NEK7: variants seen among roughly 807,000 people sequenced by gnomAD.
The protein encoded by NEK7 is serine/threonine-protein kinase Nek7.
In NEK7, 18 loss-of-function variants were observed where a neutral mutation model predicts 44.6. The ratio of observed to expected loss-of-function variants is 0.40; its 90% CI spans 0.28 to 0.60. The LOEUF (loss-of-function observed/expected upper bound fraction) is 0.60, where lower values mean the gene tolerates loss of function less well. NEK7 is among the 20% of genes least tolerant of loss of function. The probability of loss-of-function intolerance (pLI) is 0.38; values close to 1 mark genes in which losing one functional copy is unlikely to be tolerated. For missense variants in NEK7, 256 were observed against 366.5 expected (o/e 0.70, Z 2.46); for synonymous variants, 130 against 121.1 (o/e 1.07, Z -0.48).
At chr1:198,253,628 G>A (rs1382217336) in intron 3 of NEK7, among the ~76,000 whole-genome samples, 1 of 152,122 alleles carries the variant, frequency 6.6e-6, no homozygotes, top group African/African-American at 2.4e-5. Flanking sequence ...TATTTACTTG[G>A]AAATAAAAAC....
intron 5 of NEK7, among the ~76,000 whole-genome samples, chr1:198,268,363 G>A (rs1653722667): frequency 1.4e-5 from 1 of 69,244 alleles, no homozygotes; most frequent in South Asian, 6.3e-4. Flanking sequence ...AGTTTATCTC[G>A]TGCACTCTGG....
At chr1:198,206,070 G>A (rs1237939190) in intron 1 of NEK7, among the ~76,000 whole-genome samples, 1 of 152,042 alleles carries the variant, frequency 6.6e-6, no homozygotes, top group Non-Finnish European at 1.5e-5. Flanking sequence ...GTAGTACCTT[G>A]TGTAATATTT....
chr1:198,173,368 A>G (rs915022138), intron 1 of NEK7, among the ~76,000 whole-genome samples: 1 of 150,958 alleles, frequency 6.6e-6, no homozygotes, highest in African/African-American at 2.4e-5. Context: ...GTTTGAGGTT[A>G]TAGTGAGCTA....
chr1:198,294,591 T>A (rs1365394331), intron 8 of NEK7, among the ~76,000 whole-genome samples: 3 of 152,116 alleles, frequency 2.0e-5, no homozygotes, highest in African/African-American at 7.2e-5. Context: ...TGAGAGGAAG[T>A]TTGCATAATT....
At chr1:198,274,562 A>G (rs1403160547) in intron 5 of NEK7, among the ~76,000 whole-genome samples, 1 of 151,764 alleles carries the variant, frequency 6.6e-6, no homozygotes, top group Non-Finnish European at 1.5e-5. Flanking sequence ...TTTGTAAAAT[A>G]AGATCATTTT....
intron 2 of NEK7, among the ~76,000 whole-genome samples, chr1:198,251,712 G>A (rs575603901): frequency 1.3e-4 from 19 of 151,522 alleles, no homozygotes; most frequent in Admixed American, 5.3e-4. Flanking sequence ...CTGTGGGATC[G>A]GTGGTGATAT....
chr1:198,206,833 A>T (rs1050100631), intron 1 of NEK7: 1 of 152,102 alleles, frequency 6.6e-6, no homozygotes, highest in African/African-American at 2.4e-5. Context: ...ATTCCTATTG[A>T]TTAGTTAATA....
intron 1 of NEK7, among the ~76,000 whole-genome samples, chr1:198,225,024 G>T (rs1006743742): frequency 4.6e-5 from 7 of 151,920 alleles, no homozygotes; most frequent in Non-Finnish European, 8.8e-5. Context: ...AAATTTCAGA[G>T]TAATCATATA....
At chr1:198,166,762 T>C (rs1489504943) in intron 1 of NEK7, among the ~76,000 whole-genome samples, 1 of 152,124 alleles carries the variant, frequency 6.6e-6, no homozygotes, top group Non-Finnish European at 1.5e-5. Flanking sequence ...CAGACCACCA[T>C]AAAAGATATA....
At chr1:198,233,951 C>G (rs1666476557) in intron 2 of NEK7, among the ~76,000 whole-genome samples, 2 of 152,056 alleles carry the variant, frequency 1.3e-5, no homozygotes, top group Non-Finnish European at 2.9e-5. Context: ...AAAGCTTTGT[C>G]TGATCCTCTG....
At chr1:198,265,064 A>G (rs1029030741) in intron 5 of NEK7, among the ~76,000 whole-genome samples, 3 of 152,160 alleles carry the variant, frequency 2.0e-5, no homozygotes, top group Middle Eastern at 3.4e-3. Flanking sequence ...CTGCTCTATC[A>G]AGAGTATTTT....
intron 3 of NEK7, among the ~76,000 whole-genome samples, chr1:198,254,839 A>G (rs1653198373): frequency 6.6e-6 from 1 of 152,176 alleles, no homozygotes. Flanking sequence ...AGCTTAAGAA[A>G]ACACAATATG....
rs192433955 is a variant in NEK7, at chr1:198,318,028, T to C, written c.799-1384T>C. 2.9e-4 allele frequency among the ~76,000 whole-genome samples: 44 copies of C among 152,106 alleles called. No homozygotes were observed. The East Asian group carries it at 8.5e-3, about 29-fold the overall frequency. ...CTGTTCTCTGCTCTTTTGGAAGGAATATAAATTAAAATCTTCAGGCTCTCC... is the reference window on the plus strand; with the variant it reads ...CTGTTCTCTGCTCTTTTGGAAGGAACATAAATTAAAATCTTCAGGCTCTCC... On this transcript the variant is annotated intron_variant, in intron 9 of 9. Coordinates refer to ENST00000367385, the MANE Select transcript of NEK7 (RefSeq NM_133494.3).
intron 1 of NEK7, among the ~76,000 whole-genome samples, chr1:198,180,354 G>A (rs533186695): frequency 6.6e-6 from 1 of 151,984 alleles, no homozygotes; most frequent in African/African-American, 2.4e-5. Flanking sequence ...ATTTATTCAG[G>A]ATGTGTGCTG....
In NEK7 at chr1:198,305,258, T is replaced by G. The variant is rs1467747015; in HGVS notation, c.798+8018T>G. ...GTGATTGATTAATACTATTAGAAAT[T>G]GAAACCTGACATGAAGGAATAGATA... On this transcript the variant is annotated intron_variant, in intron 9 of 9. Coordinates refer to ENST00000367385, the MANE Select transcript of NEK7 (RefSeq NM_133494.3). Among the ~76,000 whole-genome samples, 41 of 152,142 alleles carry G rather than the reference T, an allele frequency of 2.7e-4. 1 individual carries two copies. Among genetic ancestry groups the G allele is most frequent in the Admixed American group, 2.7e-3 (41 of 15,274 alleles).
chr1:198,160,143 A>G (rs1664059930), intron 1 of NEK7, among the ~76,000 whole-genome samples: 1 of 152,140 alleles, frequency 6.6e-6, no homozygotes, highest in Non-Finnish European at 1.5e-5. Context: ...CCTAGGAACT[A>G]TCTGATGTTT....
chr1:198,317,799 C>G (rs935248226), intron 9 of NEK7, among the ~76,000 whole-genome samples: 3 of 150,320 alleles, frequency 2.0e-5, no homozygotes, highest in Non-Finnish European at 4.4e-5. Flanking sequence ...CATTAGAACA[C>G]ATTATCTTTT....
intron 5 of NEK7, among the ~76,000 whole-genome samples, chr1:198,269,860 T>G (rs1653780615): frequency 6.6e-6 from 1 of 152,052 alleles, no homozygotes; most frequent in South Asian, 2.1e-4. Context: ...AGATGAGTTT[T>G]AGGATAAAAG....
Position 198,157,963 on chromosome 1 carries a change from CAG to C in NEK7, c.-29+691_-29+692del, listed in dbSNP as rs1489459608. ...TCAGAGAAGGGTAGCCAAAGGAAAA[CAG>C]AGAAAAGTGACAAGACCGTATGACC... On this transcript the variant is annotated intron_variant, in intron 1 of 9. Coordinates refer to ENST00000367385, the MANE Select transcript of NEK7 (RefSeq NM_133494.3). 2.6e-5 allele frequency among the ~76,000 whole-genome samples: 4 copies of C among 152,136 alleles called. No homozygotes were observed. The East Asian group carries it at 5.8e-4, about 22-fold the overall frequency.
Sources: allele counts gnomAD v4.1 joint callset (sites outside exome capture counted in the v4.1 genomes callset), GRCh38; gene constraint gnomAD v4.1.1; transcripts MANE v1.5; gene names NCBI Gene and HGNC (gene_info 2026-07-23, HGNC 2026-07-21).